The following RNF111 variants were observed in gnomAD, a reference collection of about 807,000 sequenced individuals.
The protein encoded by RNF111 is E3 ubiquitin-protein ligase Arkadia.
RNF111 carries 17 observed loss-of-function variants against 95.1 expected under a neutral mutation model. The observed-to-expected ratio is 0.18, with a 90% CI of 0.12 to 0.27. The LOEUF (loss-of-function observed/expected upper bound fraction) is 0.27. Among genes scored for constraint, RNF111 ranks in the 10% least tolerant of loss-of-function variants. The pLI, the probability that RNF111 is intolerant of heterozygous loss-of-function variation, is 1.00. For synonymous variants in RNF111, 440 were observed against 414.8 expected, an observed-to-expected ratio of 1.06 and a Z score of -0.74; for missense variants, 1,189 against 1,210.4, an observed-to-expected ratio of 0.98 and a Z score of 0.26.
intron 3 of RNF111, among the ~76,000 whole-genome samples, chr15:59,053,671 C>T (rs2042085791): frequency 6.6e-6 from 1 of 152,136 alleles, no homozygotes; most frequent in African/African-American, 2.4e-5. Flanking sequence ...TATCCTCTGA[C>T]CGTGCATAGT....
intron 2 of RNF111, among the ~76,000 whole-genome samples, chr15:59,033,779 GT>G (rs1249606547): frequency 2.0e-5 from 3 of 151,804 alleles, no homozygotes; most frequent in African/African-American, 7.3e-5. Context: ...TAGCGTGTGT[GT>G]TTTTTTTCAT....
At chr15:59,060,606 G>T (rs2042392559) in intron 5 of RNF111, among the ~76,000 whole-genome samples, 1 of 152,062 alleles carries the variant, frequency 6.6e-6, no homozygotes. Flanking sequence ...CTACACTCCA[G>T]CCCAGATGAC....
chr15:59,078,002 T>G (rs544034722), intron 7 of RNF111, among the ~76,000 whole-genome samples: 1 of 152,366 alleles, frequency 6.6e-6, no homozygotes, highest in East Asian at 1.9e-4. Context: ...TAAACCTTTT[T>G]TCATCCAGAA....
At chr15:58,998,771 T>G (rs1330086774) in intron 1 of RNF111, among the ~76,000 whole-genome samples, 16 of 152,254 alleles carry the variant, frequency 1.1e-4, no homozygotes, top group African/African-American at 3.9e-4. Context: ...ACTGTAATTT[T>G]GGCAGTTTCT....
rs756080307 is a variant in RNF111, at chr15:59,084,224, A to T, written c.2393A>T (p.His798Leu). The change falls in exon 9 of 14, where the codon CAT becomes CTT. Residue 798 changes from histidine (H) to leucine (L), a missense_variant. This residue lies in a region of RNF111 where 165 missense variants were observed against 284.6 expected (regional missense o/e 0.58). Coordinates refer to ENST00000348370, the MANE Select transcript of RNF111 (RefSeq NM_017610.8). ...HIHVPQTMSS[H>L]PRQAPERSAW... ...CATGTGCCTCAGACTATGTCCTCAC[A>T]TCCTCGACAGGCTCCAGAGAGGTCT... 6 of 1,595,960 alleles carry T rather than the reference A, an allele frequency of 3.8e-6. No individual in the cohort carries two copies. The East Asian group carries it at 1.4e-4, about 37-fold the overall frequency.
At chr15:58,991,139 A>T (rs1379926998) in intron 1 of RNF111, among the ~76,000 whole-genome samples, 1 of 152,060 alleles carries the variant, frequency 6.6e-6, no homozygotes, top group Non-Finnish European at 1.5e-5. Flanking sequence ...TAAAAAAAAA[A>T]TACAAAAATT....
chr15:59,029,182 T>A (rs1312821334), intron 1 of RNF111, among the ~76,000 whole-genome samples: 1 of 152,206 alleles, frequency 6.6e-6, no homozygotes, highest in African/African-American at 2.4e-5. Context: ...TTTTTTTTTA[T>A]GCATCCTCTC....
intron 5 of RNF111, among the ~76,000 whole-genome samples, chr15:59,064,611 T>C (rs1183433267): frequency 6.6e-6 from 1 of 151,798 alleles, no homozygotes; most frequent in Non-Finnish European, 1.5e-5. Context: ...AACATAATTC[T>C]AGGGGCAGTT....
chr15:59,002,922 C>G (rs1235861481), intron 1 of RNF111, among the ~76,000 whole-genome samples: 1 of 152,126 alleles, frequency 6.6e-6, no homozygotes, highest in Non-Finnish European at 1.5e-5. Context: ...TGTCATGATT[C>G]ATGTCTTTAG....
At chr15:59,072,985 A>T (rs1228158255) in intron 6 of RNF111, among the ~76,000 whole-genome samples, 1 of 152,052 alleles carries the variant, frequency 6.6e-6, no homozygotes, top group African/African-American at 2.4e-5. Context: ...CAGTCTGGGC[A>T]ACATGGCAAG....
chr15:59,047,280 G>T (rs1200019545), intron 2 of RNF111, among the ~76,000 whole-genome samples: 1 of 152,156 alleles, frequency 6.6e-6, no homozygotes, highest in Non-Finnish European at 1.5e-5. Flanking sequence ...AAGATCACTT[G>T]AGCTCAGGAA....
chr15:59,097,080 A>G lies in RNF111; in HGVS notation c.*2180A>G, dbSNP rs530273341. 16 of 152,382 alleles carry G rather than the reference A, an allele frequency of 1.0e-4. No individual in the cohort carries two copies. In the South Asian group the frequency reaches 3.3e-3, roughly 32 times the overall value. 9.4% of individuals were successfully genotyped at this position (152,382 alleles called of 1,614,324 possible). A position where few individuals can be genotyped will look rare whatever the true frequency, so the allele number is the denominator to read the frequency against. Reference sequence around the variant, plus strand: ...ACCTGAATTGTTAATATAGGAGCTTATTAAGCTACTGCCATTAGTTATCGA... The same window carrying G: ...ACCTGAATTGTTAATATAGGAGCTTGTTAAGCTACTGCCATTAGTTATCGA... On this transcript the variant is annotated 3_prime_UTR_variant, in exon 14 of 14. Transcript: ENST00000348370.
At chr15:58,995,262 C>G (rs780405646) in intron 1 of RNF111, among the ~76,000 whole-genome samples, 10 of 152,150 alleles carry the variant, frequency 6.6e-5, no homozygotes, top group Non-Finnish European at 1.5e-4. Flanking sequence ...TTTTGTAACT[C>G]ATCCATTTTC....
chr15:59,063,459 G>C lies in RNF111; in HGVS notation c.1367-3305G>C, dbSNP rs916840371. ...GCACTTTAACCAAATTATTGTCCCT[G>C]GGTTGTGGAGTTAATTTCCCTAATG... On this transcript the variant is annotated intron_variant, in intron 5 of 13. Transcript: ENST00000348370. Among the ~76,000 whole-genome samples, 3 of 152,240 alleles carry C rather than the reference G, an allele frequency of 2.0e-5. No individual in the cohort carries two copies. The East Asian group carries it at 5.8e-4, about 29-fold the overall frequency.
intron 1 of RNF111, among the ~76,000 whole-genome samples, chr15:59,012,741 T>G (rs1451710858): frequency 2.2e-5 from 3 of 134,516 alleles, no homozygotes; most frequent in Non-Finnish European, 5.0e-5. Context: ...AACTCTTTTT[T>G]TCTTTTTTTT....
At chr15:59,021,241 C>T (rs2040326863) in intron 1 of RNF111, among the ~76,000 whole-genome samples, 2 of 152,162 alleles carry the variant, frequency 1.3e-5, no homozygotes, top group East Asian at 1.9e-4. Context: ...AACTCCGCCT[C>T]GTGAGTTCAA....
At chr15:59,070,029 C>CCCCCCTTTT in intron 6 of RNF111, among the ~76,000 whole-genome samples, 1 of 22,678 alleles carries the variant, frequency 4.4e-5, no homozygotes, top group African/African-American at 2.3e-4. Flanking sequence ...CCACCTCCTG[C>CCCCCCTTTT]TTTTTTTTTT....
At chr15:59,052,507 G>A (rs2042031014) in intron 3 of RNF111, 76 bp downstream of exon 3, 3 of 1,061,900 alleles carry the variant, frequency 2.8e-6, no homozygotes, top group Non-Finnish European at 3.7e-6. Flanking sequence ...GCAGATATTT[G>A]CATTCTTTTT....
chr15:59,001,604 T>G (rs1273796080), intron 1 of RNF111, among the ~76,000 whole-genome samples: 1 of 152,188 alleles, frequency 6.6e-6, no homozygotes, highest in African/African-American at 2.4e-5. Context: ...TCTCCACATT[T>G]GGCGAATAGG....
Sources: allele counts gnomAD v4.1 joint callset (sites outside exome capture counted in the v4.1 genomes callset), GRCh38; gene constraint gnomAD v4.1.1; regional missense constraint gnomAD v4.1.1; transcripts MANE v1.5; gene names NCBI Gene and HGNC (gene_info 2026-07-23, HGNC 2026-07-21).